NYAP2: variants seen among roughly 807,000 people sequenced by gnomAD.
The protein encoded by NYAP2 is neuronal tyrosine-phosphorylated phosphoinositide-3-kinase adaptor 2.
NYAP2 carries 23 observed loss-of-function variants against 50.4 expected under a neutral mutation model. The ratio of observed to expected loss-of-function variants is 0.46; its 90% CI spans 0.33 to 0.65. The LOEUF (loss-of-function observed/expected upper bound fraction) is 0.65, where lower values mean the gene tolerates loss of function less well. Among genes scored for constraint, NYAP2 ranks in the 30% least tolerant of loss-of-function variants. NYAP2 has a pLI of 0.02. For missense variants in NYAP2, 885 were observed against 861.0 expected, an observed-to-expected ratio of 1.03 and a Z score of -0.35; for synonymous variants, 394 against 365.2, an observed-to-expected ratio of 1.08 and a Z score of -0.90.
chr2:225,551,402 G>A (rs1277128968), intron 4 of NYAP2, among the ~76,000 whole-genome samples: 1 of 152,232 alleles, frequency 6.6e-6, no homozygotes, highest in Non-Finnish European at 1.5e-5. Context: ...GAAGTGAGAT[G>A]CTAGAGGTTG....
chr2:225,680,169 G>T, the NYAP2 span, among the ~76,000 whole-genome samples: 1 of 152,270 alleles, frequency 6.6e-6, no homozygotes, highest in East Asian at 1.9e-4. Context: ...AAGGCATCAA[G>T]TCAAAACGTC....
the NYAP2 span, chr2:225,698,981 C>G: frequency 6.6e-6 from 1 of 151,804 alleles, no homozygotes; most frequent in African/African-American, 2.4e-5. Context: ...CAAGAGCTCA[C>G]AACTATAAAT....
At chr2:225,545,886 A>G (rs1350904957) in intron 4 of NYAP2, among the ~76,000 whole-genome samples, 2 of 152,040 alleles carry the variant, frequency 1.3e-5, no homozygotes, top group African/African-American at 2.4e-5. Context: ...TCTAAGCCCT[A>G]CTCGTGTTAG....
the NYAP2 span, among the ~76,000 whole-genome samples, chr2:225,678,895 C>G: frequency 1.3e-5 from 2 of 151,994 alleles, no homozygotes; most frequent in Non-Finnish European, 2.9e-5. Context: ...GGTGCCTTAT[C>G]TGAAAAATAG....
At chr2:225,623,104 T>C (rs1248232265) in intron 5 of NYAP2, among the ~76,000 whole-genome samples, 1 of 152,202 alleles carries the variant, frequency 6.6e-6, no homozygotes, top group Non-Finnish European at 1.5e-5. Flanking sequence ...ACAGGCCCAT[T>C]TAAAAACCTG....
intron 3 of NYAP2, among the ~76,000 whole-genome samples, chr2:225,452,850 G>A (rs1224047422): frequency 1.3e-5 from 2 of 152,166 alleles, no homozygotes; most frequent in Non-Finnish European, 2.9e-5. Flanking sequence ...GTGAGTGGTT[G>A]GCTAAAATCT....
At chr2:225,561,303 C>A (rs1424363627) in intron 4 of NYAP2, among the ~76,000 whole-genome samples, 1 of 151,986 alleles carries the variant, frequency 6.6e-6, no homozygotes, top group Non-Finnish European at 1.5e-5. Context: ...AAGCACATTC[C>A]AGACAGAGGG....
chr2:225,586,843 C>T (rs971994797), intron 5 of NYAP2, among the ~76,000 whole-genome samples: 1 of 152,114 alleles, frequency 6.6e-6, no homozygotes, highest in Non-Finnish European at 1.5e-5. Context: ...AAATGTTTAA[C>T]CCTCATATCA....
intron 3 of NYAP2, among the ~76,000 whole-genome samples, chr2:225,437,618 A>T (rs1689402632): frequency 2.0e-5 from 3 of 152,192 alleles, no homozygotes; most frequent in Admixed American, 2.0e-4. Context: ...CCTCTCCACC[A>T]CCATGCCAAA....
chr2:225,694,303 T>A, the NYAP2 span, among the ~76,000 whole-genome samples: 1 of 150,320 alleles, frequency 6.7e-6, no homozygotes, highest in African/African-American at 2.4e-5. Context: ...TTACACATCT[T>A]TTTTTTTTCT....
exon 7 of NYAP2, chr2:225,651,602 C>G (rs780674638): frequency 1.2e-6 from 2 of 1,610,858 alleles, no homozygotes; most frequent in Non-Finnish European, 8.5e-7. Flanking sequence ...CTTCCCACCT[C>G]TGTCTGTCCT....
intron 4 of NYAP2, among the ~76,000 whole-genome samples, chr2:225,555,535 T>C (rs1369399552): frequency 1.3e-5 from 2 of 152,146 alleles, no homozygotes; most frequent in Admixed American, 6.6e-5. Flanking sequence ...ACATGTTTGA[T>C]TTTTAGGGAT....
At chr2:225,560,702 T>G (rs1419163808) in intron 4 of NYAP2, among the ~76,000 whole-genome samples, 1 of 152,090 alleles carries the variant, frequency 6.6e-6, no homozygotes, top group Non-Finnish European at 1.5e-5. Context: ...GAAGGATATT[T>G]GTGATGTGCT....
chr2:225,622,770 G>T (rs1452203331), intron 5 of NYAP2, among the ~76,000 whole-genome samples: 2 of 151,430 alleles, frequency 1.3e-5, no homozygotes, highest in African/African-American at 4.9e-5. Context: ...AGTAGAGATG[G>T]GGTTTCACCA....
At chr2:225,428,303 G>A (rs141359056) in intron 3 of NYAP2, among the ~76,000 whole-genome samples, 2 of 152,282 alleles carry the variant, frequency 1.3e-5, no homozygotes, top group Non-Finnish European at 2.9e-5. Context: ...GAATCCAGGG[G>A]AAACCTGGAA....
In NYAP2 at chr2:225,511,327, AACACACACACACAC is replaced by A. The variant is rs571887973; in HGVS notation, c.222-2010_222-1997del. ...GTATGTCTTAATTGCCGTTCTTTAA[AACACACACACACAC>A]ACACACACACACACACACACACACA... On this transcript the variant is annotated intron_variant, in intron 3 of 6. Transcript: ENST00000636099. Among the ~76,000 whole-genome samples, 101 of 129,916 alleles carry A rather than the reference AACACACACACACAC, an allele frequency of 7.8e-4. 1 individual carries two copies. Among genetic ancestry groups the A allele is most frequent in the Non-Finnish European group, 1.2e-3 (72 of 62,240 alleles). 85.2% of individuals were successfully genotyped at this position (129,916 alleles called of 152,430 possible).
chr2:225,553,192 G>A (rs1399160482), intron 4 of NYAP2, among the ~76,000 whole-genome samples: 1 of 152,202 alleles, frequency 6.6e-6, no homozygotes, highest in African/African-American at 2.4e-5. Flanking sequence ...TAAAGAAGCT[G>A]GTTCTAGGAC....
At chr2:225,675,112 G>A in the NYAP2 span, among the ~76,000 whole-genome samples, 4 of 152,048 alleles carry the variant, frequency 2.6e-5, no homozygotes, top group South Asian at 8.3e-4. Context: ...GTTTATTAGT[G>A]GTAAAAGAAT....
chr2:225,634,398 A>G (rs1004863729), intron 6 of NYAP2, among the ~76,000 whole-genome samples: 1 of 152,152 alleles, frequency 6.6e-6, no homozygotes, highest in Non-Finnish European at 1.5e-5. Flanking sequence ...ACCATATTAT[A>G]TATTCTGCTC....
Sources: gnomAD v4.1 joint callset for allele counts (sites outside exome capture counted in the v4.1 genomes callset) on GRCh38, gnomAD v4.1.1 for gene constraint, MANE v1.5 for transcripts, NCBI Gene and HGNC (gene_info 2026-07-23, HGNC 2026-07-21) for gene names.